The following ZHX2 variants were observed in gnomAD, a reference collection of about 807,000 sequenced individuals.
ZHX2 encodes zinc fingers and homeoboxes 2.
ZHX2 carries 6 observed loss-of-function variants against 21.9 expected under a neutral mutation model. The observed-to-expected ratio is 0.27, with a 90% confidence interval of 0.15 to 0.54. ZHX2 has a LOEUF of 0.54. Ranked by LOEUF, ZHX2 falls within the 20% of genes least tolerant of loss-of-function variation. The pLI is 0.95. For synonymous variants in ZHX2, 434 were observed against 437.1 expected (o/e 0.99, Z 0.09); for missense variants, 908 against 1,090.7 (o/e 0.83, Z 2.36).
Position 122,951,684 on chromosome 8 carries a change from C to G in ZHX2, c.174C>G (p.Asn58Lys), listed in dbSNP as rs35460327. 57 of 1,613,884 alleles carry G rather than the reference C, an allele frequency of 3.5e-5. No homozygotes were observed. Among genetic ancestry groups the G allele is most frequent in the Middle Eastern group, 1.6e-4 (1 of 6,084 alleles). The change falls in exon 3 of 4, where the codon AAC becomes AAG. Residue 58 changes from asparagine (N) to lysine (K), a missense_variant. Physicochemically the swap from Asn to Lys is moderately conservative, Grantham distance 94. Coordinates refer to ENST00000314393, the MANE Select transcript of ZHX2 (RefSeq NM_014943.5). Reference protein sequence around the residue: ...AAELENSSKENEVIEVKSMGE... With the variant: ...AAELENSSKEKEVIEVKSMGE... ...AACTTGAAAACTCTTCCAAAGAAAACGAAGTGATAGAGGTGAAATCTATGG... is the reference window on the plus strand; with the variant it reads ...AACTTGAAAACTCTTCCAAAGAAAAGGAAGTGATAGAGGTGAAATCTATGG...
At chr8:122,913,528 G>A (rs896934535) in intron 2 of ZHX2, among the ~76,000 whole-genome samples, 1 of 152,186 alleles carries the variant, frequency 6.6e-6, no homozygotes, top group South Asian at 2.1e-4. Flanking sequence ...GTCGAGCCTG[G>A]TAAACTTATT....
At chr8:122,949,013 T>C (rs1813044503) in intron 2 of ZHX2, among the ~76,000 whole-genome samples, 2 of 152,234 alleles carry the variant, frequency 1.3e-5, no homozygotes, top group African/African-American at 2.4e-5. Flanking sequence ...AAAAAATATA[T>C]AATATGCACA....
intron 3 of ZHX2, among the ~76,000 whole-genome samples, chr8:122,969,732 A>C (rs1013496677): frequency 3.3e-5 from 5 of 152,084 alleles, no homozygotes; most frequent in Non-Finnish European, 7.4e-5. Flanking sequence ...ACCTCTCAAA[A>C]AAAATGTTAT....
intron 2 of ZHX2, among the ~76,000 whole-genome samples, chr8:122,916,531 T>C (rs1388853831): frequency 6.6e-6 from 1 of 152,168 alleles, no homozygotes; most frequent in African/African-American, 2.4e-5. Context: ...TTTTTGAGGC[T>C]CGAGACTGAG....
At chr8:122,887,825 G>A (rs1268509585) in intron 2 of ZHX2, among the ~76,000 whole-genome samples, 3 of 148,270 alleles carry the variant, frequency 2.0e-5, no homozygotes, top group South Asian at 2.3e-4. Context: ...CCCTCGCGCC[G>A]CCCCCACCAC....
At chr8:122,971,471 C>T (rs561949196) in intron 3 of ZHX2, among the ~76,000 whole-genome samples, 3 of 151,686 alleles carry the variant, frequency 2.0e-5, no homozygotes, top group African/African-American at 7.3e-5. Context: ...TTCTTAACTC[C>T]AATATTCAAT....
chr8:122,952,666 A>G lies in ZHX2; in HGVS notation c.1156A>G (p.Thr386Ala), dbSNP rs1208985093. The change falls in exon 3 of 4, where the codon ACA becomes GCA. Residue 386 changes from threonine to alanine, a missense_variant. Around this residue, in one of 4 missense-constraint regions of ZHX2, gnomAD observed 232 missense variants for 361.8 expected, o/e 0.64. Transcript: ENST00000314393. This position sits in a 1 kb window ranked among gnomAD's most constrained non-coding sequence, Gnocchi z 6.9. ...GCTGACTCAGGTGACCAGCGGGTCAACAACCGTCTCTTGCTCCCCCATCAC... is the reference window on the plus strand; with the variant it reads ...GCTGACTCAGGTGACCAGCGGGTCAGCAACCGTCTCTTGCTCCCCCATCAC... ...LVLTQVTSGSTTVSCSPITLA... is the reference protein window; with the variant it reads ...LVLTQVTSGSATVSCSPITLA... The G allele has an allele frequency of 2.1e-5, 34 of 1,612,334 alleles. No homozygotes were observed. The East Asian group carries it at 3.8e-4, about 18-fold the overall frequency.
At chr8:122,955,114 C>CATG (rs1242711072) in intron 3 of ZHX2, among the ~76,000 whole-genome samples, 1 of 146,614 alleles carries the variant, frequency 6.8e-6, no homozygotes, top group African/African-American at 2.6e-5. Context: ...TACTAATGGC[C>CATG]ATGTCATCCC....
intron 1 of ZHX2, among the ~76,000 whole-genome samples, chr8:122,832,647 G>T (rs1281159597): frequency 6.6e-6 from 1 of 152,164 alleles, no homozygotes; most frequent in Non-Finnish European, 1.5e-5. Flanking sequence ...GGTTTGGCAA[G>T]TAGAGCGAAG....
intron 2 of ZHX2, among the ~76,000 whole-genome samples, chr8:122,893,469 A>G (rs1196722918): frequency 6.6e-6 from 1 of 152,132 alleles, no homozygotes; most frequent in Non-Finnish European, 1.5e-5. Flanking sequence ...TTCACTTTAT[A>G]GTATCCTATA....
intron 1 of ZHX2, among the ~76,000 whole-genome samples, chr8:122,842,339 G>A (rs1818650902): frequency 6.6e-6 from 1 of 152,192 alleles, no homozygotes; most frequent in Non-Finnish European, 1.5e-5. Context: ...CCATCCCTGA[G>A]TTCTTTCCAG....
intron 1 of ZHX2, among the ~76,000 whole-genome samples, chr8:122,847,148 C>CT (rs1386756778): frequency 6.6e-6 from 1 of 152,312 alleles, no homozygotes; most frequent in Non-Finnish European, 1.5e-5. Flanking sequence ...CAGAAGGAAT[C>CT]TATGTTCCAA....
At chr8:122,925,511 C>T (rs1202316752) in intron 2 of ZHX2, among the ~76,000 whole-genome samples, 11 of 152,154 alleles carry the variant, frequency 7.2e-5, no homozygotes, top group Admixed American at 3.9e-4. Context: ...AAGTTCAAAC[C>T]GTGTTCTCTT....
At chr8:122,840,105 T>G (rs1305970582) in intron 1 of ZHX2, among the ~76,000 whole-genome samples, 4 of 152,216 alleles carry the variant, frequency 2.6e-5, no homozygotes, top group African/African-American at 9.6e-5. Flanking sequence ...AGGGCACCTA[T>G]TCTACCTTTG....
chr8:122,886,547 A>G (rs1819846340), intron 2 of ZHX2, among the ~76,000 whole-genome samples: 2 of 152,188 alleles, frequency 1.3e-5, no homozygotes, highest in Non-Finnish European at 2.9e-5. Flanking sequence ...TATTCATAAT[A>G]AAGGAAACCA....
Position 122,974,389 on chromosome 8 carries a change from A to G in ZHX2, c.*1152A>G, listed in dbSNP as rs1261415070. On this transcript the variant is annotated 3_prime_UTR_variant, in exon 4 of 4. Transcript: ENST00000314393. ...TGGTTGCAATCCCTCCCCGTCCCAC[A>G]CTGCCCCCCATTTGAGTACACCGCA... The G allele has an allele frequency of 2.0e-5, 3 of 150,338 alleles. No homozygotes were observed. The highest frequency in any genetic ancestry group is 4.4e-5 in the Non-Finnish European group (3 of 67,598). 9.3% of individuals were successfully genotyped at this position (150,338 alleles called of 1,614,324 possible). A position where few individuals can be genotyped will look rare whatever the true frequency, so the allele number is the denominator to read the frequency against.
intron 2 of ZHX2, among the ~76,000 whole-genome samples, chr8:122,943,224 T>C (rs1414910829): frequency 6.6e-6 from 1 of 151,634 alleles, no homozygotes; most frequent in African/African-American, 2.4e-5. Context: ...ATCGCACCAC[T>C]GCACTCCAGC....
intron 1 of ZHX2, among the ~76,000 whole-genome samples, chr8:122,819,712 A>G (rs1374454804): frequency 6.6e-6 from 1 of 152,214 alleles, no homozygotes; most frequent in African/African-American, 2.4e-5. Context: ...ATCGGCATAG[A>G]AAGGACAAAG....
intron 2 of ZHX2, among the ~76,000 whole-genome samples, chr8:122,947,388 C>T (rs543164758): frequency 6.6e-6 from 1 of 152,156 alleles, no homozygotes; most frequent in South Asian, 2.1e-4. Flanking sequence ...GCCACAATTG[C>T]TTCTTGAGCA....
Sources: gnomAD v4.1 joint callset for allele counts (sites outside exome capture counted in the v4.1 genomes callset) on GRCh38, gnomAD v4.1.1 for gene constraint, gnomAD v4.1.1 regional missense constraint, Gnocchi (gnomAD v3.1) non-coding constraint, MANE v1.5 for transcripts, NCBI Gene and HGNC (gene_info 2026-07-23, HGNC 2026-07-21) for gene names.